Variants in ABTB2 observed in about 807,000 individuals in gnomAD.
The protein encoded by ABTB2 is ankyrin repeat and BTB domain containing 2.
ABTB2 carries 56 observed loss-of-function variants against 104.1 expected under a neutral mutation model. The observed-to-expected ratio is 0.54, with a 90% CI of 0.43 to 0.67. The LOEUF (loss-of-function observed/expected upper bound fraction) is 0.67, where lower values mean the gene tolerates loss of function less well. Among genes scored for constraint, ABTB2 ranks in the 30% least tolerant of loss-of-function variants. ABTB2 has a pLI of 0.00. For missense variants in ABTB2, 1,279 were observed against 1,407.7 expected (o/e 0.91, Z 1.46); for synonymous variants, 606 against 608.2 (o/e 1.00, Z 0.05).
intron 1 of ABTB2, among the ~76,000 whole-genome samples, chr11:34,229,691 A>G (rs867884352): frequency 6.6e-6 from 1 of 152,158 alleles, no homozygotes; most frequent in South Asian, 2.1e-4. Flanking sequence ...TTAGCACTAT[A>G]AGAATAATTA....
chr11:34,152,595 G>C lies in ABTB2; in HGVS notation c.2881-11C>G, dbSNP rs1195910523. 1.2e-6 allele frequency: 2 copies of C among 1,610,672 alleles called. No individual in the cohort carries two copies. The highest frequency in any genetic ancestry group is 1.1e-5 in the South Asian group (1 of 90,376). ...TGGGGCATTGTGGATCTGTAGGGCA[G>C]AGAGAGGAGGGGTGAAGCCCATCGC... On this transcript the variant is annotated splice_polypyrimidine_tract_variant and intron_variant, in intron 16 of 16. Coordinates refer to ENST00000435224, the MANE Select transcript of ABTB2 (RefSeq NM_145804.3).
rs111875924 is a variant in ABTB2, at chr11:34,163,172, T to C, written c.1989-367A>G. ...TACAGGGTGTCACTATATCACACTT[T>C]CCTGGGGCTTATGTGAGGCTGATGT... On this transcript the variant is annotated intron_variant, in intron 9 of 16. Transcript: ENST00000435224. Among the ~76,000 whole-genome samples the C allele has an allele frequency of 3.4e-3, 516 of 152,318 alleles. 4 individuals carry two copies. Among genetic ancestry groups the C allele is most frequent in the Middle Eastern group, 0.01 (3 of 294 alleles).
At chr11:34,190,435 G>T (rs1034855898) in intron 3 of ABTB2, among the ~76,000 whole-genome samples, 8 of 152,152 alleles carry the variant, frequency 5.3e-5, no homozygotes, top group African/African-American at 1.7e-4. Context: ...GCACTGTCTG[G>T]TGGGTTTTGC....
At chr11:34,297,735 C>T (rs1039781414) in intron 1 of ABTB2, among the ~76,000 whole-genome samples, 4 of 139,082 alleles carry the variant, frequency 2.9e-5, no homozygotes, top group African/African-American at 1.1e-4. Context: ...CATTGCACTC[C>T]AGCCTGGGCA....
intron 1 of ABTB2, among the ~76,000 whole-genome samples, chr11:34,227,485 T>C (rs567583830): frequency 1.3e-5 from 2 of 152,328 alleles, no homozygotes; most frequent in African/African-American, 4.8e-5. Context: ...GTTTTTAAGG[T>C]CCATCCATGT....
intron 1 of ABTB2, among the ~76,000 whole-genome samples, chr11:34,295,203 T>C (rs930839779): frequency 6.6e-6 from 1 of 152,060 alleles, no homozygotes; most frequent in African/African-American, 2.4e-5. Context: ...AAAATAAAAA[T>C]ATTGTTATAT....
intron 1 of ABTB2, among the ~76,000 whole-genome samples, chr11:34,225,197 A>C (rs917102903): frequency 3.9e-5 from 6 of 152,214 alleles, no homozygotes; most frequent in African/African-American, 1.4e-4. Context: ...GCCGTCAGGG[A>C]GGGCAGAGGG....
Position 34,280,038 on chromosome 11 carries a change from T to G in ABTB2, c.884-75348A>C, listed in dbSNP as rs146499657. On this transcript the variant is annotated intron_variant, in intron 1 of 16. Transcript: ENST00000435224. ...CACCTGACTCAGCCTCCGAAAGTGC[T>G]GGGATTACAGGCGTGAGCCACCGTG... Among the ~76,000 whole-genome samples, 481 of 152,294 alleles carry G rather than the reference T, an allele frequency of 3.2e-3. 2 individuals are homozygous for G. The highest frequency in any genetic ancestry group is 0.01 in the African/African-American group (424 of 41,574).
chr11:34,324,076 A>G (rs535474752), intron 1 of ABTB2, among the ~76,000 whole-genome samples: 182 of 151,870 alleles, frequency 1.2e-3, no homozygotes, highest in African/African-American at 4.3e-3. Context: ...ATACCCAGTT[A>G]GTTTTTGTAT....
intron 8 of ABTB2, 107 bp from the exon 9 acceptor site, chr11:34,164,928 A>G (rs1230413615): frequency 1.5e-6 from 2 of 1,355,128 alleles, no homozygotes; most frequent in Non-Finnish European, 2.0e-6. Context: ...GAGTGCTGGA[A>G]TAAGTCAGTA....
intron 2 of ABTB2, among the ~76,000 whole-genome samples, chr11:34,199,750 G>A (rs1853312724): frequency 6.6e-6 from 1 of 152,112 alleles, no homozygotes; most frequent in African/African-American, 2.4e-5. Context: ...TCTGTAAAAT[G>A]GGAACAATAG....
At chr11:34,310,258 T>C (rs1854833994) in intron 1 of ABTB2, among the ~76,000 whole-genome samples, 1 of 152,180 alleles carries the variant, frequency 6.6e-6, no homozygotes, top group South Asian at 2.1e-4. Context: ...TACCACTTTA[T>C]TATTCCACAG....
At chr11:34,229,314 T>C (rs1853735034) in intron 1 of ABTB2, among the ~76,000 whole-genome samples, 1 of 151,318 alleles carries the variant, frequency 6.6e-6, no homozygotes, top group African/African-American at 2.4e-5. Context: ...AACCCGTCTC[T>C]ACCAAAAATA....
intron 1 of ABTB2, among the ~76,000 whole-genome samples, chr11:34,224,015 G>A (rs1387546383): frequency 7.2e-5 from 11 of 152,106 alleles, no homozygotes; most frequent in African/African-American, 1.7e-4. Flanking sequence ...AAGAGACTAA[G>A]AGGATCATGC....
chr11:34,200,455 G>A (rs373647326), intron 2 of ABTB2, among the ~76,000 whole-genome samples: 1 of 152,086 alleles, frequency 6.6e-6, no homozygotes, highest in Non-Finnish European at 1.5e-5. Context: ...CGGCTTCTTC[G>A]ATCCAAGCCC....
chr11:34,160,829 T>A lies in ABTB2; in HGVS notation c.2397+74A>T, dbSNP rs1338988636. Reference sequence around the variant, plus strand: ...CCCTGTGTCTGTCCACGTGTCTGCCTGTGTGTCCATCTGTGTGTCCCGTGG... The same window carrying A: ...CCCTGTGTCTGTCCACGTGTCTGCCAGTGTGTCCATCTGTGTGTCCCGTGG... On this transcript the variant is annotated intron_variant, in intron 11 of 16. Transcript: ENST00000435224. 12 of 1,478,364 alleles carry A rather than the reference T, an allele frequency of 8.1e-6. No homozygotes were observed. In the East Asian group the frequency reaches 2.8e-4, roughly 34 times the overall value. The allele number at this position is 1,478,364 out of a possible 1,614,324, so 91.6% of individuals were successfully genotyped here.
At chr11:34,216,408 G>A (rs749436074) in intron 1 of ABTB2, among the ~76,000 whole-genome samples, 2 of 152,028 alleles carry the variant, frequency 1.3e-5, no homozygotes, top group Non-Finnish European at 2.9e-5. Context: ...TCATATAGTT[G>A]GAATCATACT....
At chr11:34,338,175 G>T (rs771983222) in intron 1 of ABTB2, among the ~76,000 whole-genome samples, 2 of 152,098 alleles carry the variant, frequency 1.3e-5, no homozygotes, top group Non-Finnish European at 2.9e-5. Flanking sequence ...GAGATCAGGA[G>T]TTCAAGACCA....
At chr11:34,255,792 C>T (rs1303754941) in intron 1 of ABTB2, among the ~76,000 whole-genome samples, 2 of 152,204 alleles carry the variant, frequency 1.3e-5, no homozygotes, top group Non-Finnish European at 2.9e-5. Flanking sequence ...GCTGGGATTA[C>T]AGGCGTGAGC....
Sources: gnomAD v4.1 joint callset for allele counts (sites outside exome capture counted in the v4.1 genomes callset) on GRCh38, gnomAD v4.1.1 for gene constraint, MANE v1.5 for transcripts, NCBI Gene and HGNC (gene_info 2026-07-23, HGNC 2026-07-21) for gene names.